Variants in RSU1 observed in about 807,000 individuals in gnomAD.
The protein encoded by RSU1 is rsu-1.
A neutral mutation model predicts 31.1 loss-of-function variants in RSU1; 26 were observed. That is an observed-to-expected ratio of 0.84 (90% CI 0.61 to 1.16). The LOEUF (loss-of-function observed/expected upper bound fraction) is 1.16. RSU1 is among the 50% of genes most tolerant of loss of function. The pLI is 0.00. For missense variants in RSU1, 320 were observed against 339.1 expected (o/e 0.94, Z 0.44); for synonymous variants, 164 against 136.3 (o/e 1.20, Z -1.41).
chr10:16,734,762 G>A (rs1397502776), intron 7 of RSU1, among the ~76,000 whole-genome samples: 2 of 152,168 alleles, frequency 1.3e-5, no homozygotes, highest in African/African-American at 4.8e-5. Flanking sequence ...CATGAGAAAT[G>A]GTTGGTGTTA....
intron 7 of RSU1, among the ~76,000 whole-genome samples, chr10:16,703,180 C>G (rs957694062): frequency 1.3e-5 from 2 of 152,166 alleles, no homozygotes; most frequent in African/African-American, 4.8e-5. Context: ...CAGCATCATG[C>G]TTCCTATACG....
At chr10:16,786,917 G>T (rs1837803472) in intron 2 of RSU1, among the ~76,000 whole-genome samples, 1 of 152,078 alleles carries the variant, frequency 6.6e-6, no homozygotes. Context: ...AGGAGGAGTG[G>T]GCCAGCTTAA....
chr10:16,622,960 C>A (rs1040163378), intron 8 of RSU1, among the ~76,000 whole-genome samples: 1 of 152,014 alleles, frequency 6.6e-6, no homozygotes, highest in Non-Finnish European at 1.5e-5. Context: ...TGTGAGACTA[C>A]AACTCAACTT....
intron 2 of RSU1, among the ~76,000 whole-genome samples, chr10:16,811,311 A>G (rs1487998362): frequency 6.6e-6 from 1 of 152,160 alleles, no homozygotes; most frequent in Non-Finnish European, 1.5e-5. Flanking sequence ...CTTATTATGC[A>G]TTTCTCATAA....
chr10:16,733,863 C>T (rs1020540014), intron 7 of RSU1, among the ~76,000 whole-genome samples: 34 of 152,198 alleles, frequency 2.2e-4, no homozygotes, highest in African/African-American at 7.7e-4. Context: ...TAAAGTTGGG[C>T]AACTAACTTT....
intron 8 of RSU1, among the ~76,000 whole-genome samples, chr10:16,646,059 TATACACACACAC>T (rs1462042310): frequency 1.3e-4 from 4 of 31,442 alleles, no homozygotes; most frequent in Non-Finnish European, 2.0e-4. Flanking sequence ...TGTATATATA[TATACACACACAC>T]ACACACACAC....
At chr10:16,712,620 A>G (rs1836044163) in intron 7 of RSU1, among the ~76,000 whole-genome samples, 1 of 152,176 alleles carries the variant, frequency 6.6e-6, no homozygotes, top group Non-Finnish European at 1.5e-5. Context: ...CCCCATACAC[A>G]ATTAATATTT....
intron 7 of RSU1, among the ~76,000 whole-genome samples, chr10:16,733,081 G>T (rs993330732): frequency 5.3e-5 from 8 of 151,948 alleles, no homozygotes; most frequent in Non-Finnish European, 7.4e-5. Context: ...ACTCATAAAT[G>T]GACTATTAGT....
chr10:16,664,162 T>G (rs1834942651), intron 8 of RSU1, among the ~76,000 whole-genome samples: 2 of 152,198 alleles, frequency 1.3e-5, no homozygotes, highest in Non-Finnish European at 2.9e-5. Flanking sequence ...GACTCTATTT[T>G]ATAAGGAAGA....
rs1410944066 is a variant in RSU1, at chr10:16,732,062, C to T, written c.598+20477G>A. On this transcript the variant is annotated intron_variant, in intron 7 of 8. Coordinates refer to ENST00000345264, the MANE Select transcript of RSU1 (RefSeq NM_012425.4). Reference sequence around the variant, plus strand: ...GAGGAAGTACAGTATCAGTAGCTTCCACCAAACTGATGCCTCAGTATTACC... The same window carrying T: ...GAGGAAGTACAGTATCAGTAGCTTCTACCAAACTGATGCCTCAGTATTACC... 2.6e-5 allele frequency among the ~76,000 whole-genome samples: 4 copies of T among 152,228 alleles called. No individual in the cohort carries two copies. The South Asian group carries it at 8.3e-4, about 32-fold the overall frequency.
chr10:16,680,881 T>C (rs780696695), intron 8 of RSU1, among the ~76,000 whole-genome samples: 20 of 152,184 alleles, frequency 1.3e-4, no homozygotes, highest in African/African-American at 1.9e-4. Context: ...TAGCACCTTG[T>C]TCCCAAGGGA....
chr10:16,753,740 C>G (rs74574452), intron 5 of RSU1, among the ~76,000 whole-genome samples: 3,158 of 152,146 alleles, frequency 0.021, 122 homozygotes, highest in African/African-American at 0.071. Context: ...ACCAAAAAAG[C>G]TGAGTATAAT....
intron 8 of RSU1, among the ~76,000 whole-genome samples, chr10:16,605,670 G>A (rs535152612): frequency 3.2e-4 from 49 of 152,316 alleles, no homozygotes; most frequent in Admixed American, 2.1e-3. Context: ...ACCTGGAGCT[G>A]TCTACTGAAG....
intron 7 of RSU1, among the ~76,000 whole-genome samples, chr10:16,740,729 T>G (rs1489278530): frequency 6.6e-6 from 1 of 152,018 alleles, no homozygotes; most frequent in African/African-American, 2.4e-5. Context: ...GCAACAAAAG[T>G]AATAAAATGC....
intron 8 of RSU1, among the ~76,000 whole-genome samples, chr10:16,618,338 A>C (rs1397431930): frequency 1.3e-5 from 2 of 152,190 alleles, no homozygotes; most frequent in African/African-American, 4.8e-5. Flanking sequence ...AGATGCTGGC[A>C]AGGCTGTGGA....
At chr10:16,797,343 A>G (rs1302188217) in intron 2 of RSU1, among the ~76,000 whole-genome samples, 1 of 152,250 alleles carries the variant, frequency 6.6e-6, no homozygotes, top group Admixed American at 6.5e-5. Flanking sequence ...AGAAGGACTG[A>G]ACCAAGTCAT....
chr10:16,717,914 C>T (rs1468439687), intron 7 of RSU1, among the ~76,000 whole-genome samples: 2 of 152,066 alleles, frequency 1.3e-5, no homozygotes, highest in East Asian at 1.9e-4. Context: ...AGGATGATTA[C>T]ATCATGCATT....
At chr10:16,691,741 T>G (rs1026662933) in intron 8 of RSU1, among the ~76,000 whole-genome samples, 3 of 145,530 alleles carry the variant, frequency 2.1e-5, no homozygotes, top group African/African-American at 7.6e-5. Context: ...TTTTTTTTTT[T>G]TTTTTTTGTT....
At chr10:16,720,653 G>C (rs959397162) in intron 7 of RSU1, among the ~76,000 whole-genome samples, 1 of 152,158 alleles carries the variant, frequency 6.6e-6, no homozygotes, top group Non-Finnish European at 1.5e-5. Flanking sequence ...CTTAAGGAAT[G>C]CAACACCCTC....
Sources: allele counts gnomAD v4.1 joint callset (sites outside exome capture counted in the v4.1 genomes callset), GRCh38; gene constraint gnomAD v4.1.1; transcripts MANE v1.5; gene names NCBI Gene and HGNC (gene_info 2026-07-23, HGNC 2026-07-21).